The following PDZD2 variants were observed in gnomAD, a reference collection of about 807,000 sequenced individuals.
PDZD2 encodes the protein PDZ domain containing 2.
A neutral mutation model predicts 220.7 loss-of-function variants in PDZD2; 90 were observed. That is an observed-to-expected ratio of 0.41 (90% CI 0.34 to 0.49). The LOEUF is 0.49. Ranked by LOEUF, PDZD2 falls within the 20% of genes least tolerant of loss-of-function variation. The pLI is 0.28. For synonymous variants in PDZD2, 1,375 were observed against 1,450.5 expected (o/e 0.95, Z 1.18); for missense variants, 3,174 against 3,608.5 (o/e 0.88, Z 3.08).
intron 10 of PDZD2, among the ~76,000 whole-genome samples, chr5:32,054,585 A>C (rs1738921218): frequency 1.3e-5 from 2 of 152,062 alleles, no homozygotes; most frequent in South Asian, 4.2e-4. Flanking sequence ...TCAACCTCAC[A>C]AAGTGCTAGG....
At chr5:31,913,759 G>A (rs952269561) in intron 2 of PDZD2, among the ~76,000 whole-genome samples, 3 of 152,164 alleles carry the variant, frequency 2.0e-5, no homozygotes, top group Non-Finnish European at 4.4e-5. Context: ...TATGGCCGGG[G>A]TTTAGAGCTT....
At chr5:31,785,902 A>G (rs2150214440) in intron 1 of PDZD2, among the ~76,000 whole-genome samples, 1 of 152,100 alleles carries the variant, frequency 6.6e-6, no homozygotes, top group Middle Eastern at 3.4e-3. Context: ...CAGTCGCTCC[A>G]CATCACTTCT....
intron 2 of PDZD2, among the ~76,000 whole-genome samples, chr5:31,828,238 CTA>C (rs767884085): frequency 6.6e-6 from 1 of 152,242 alleles, no homozygotes; most frequent in African/African-American, 2.4e-5. Context: ...TATAGTAACT[CTA>C]TGTGTAACTT....
At chr5:31,793,829 T>C (rs1753855882) in intron 1 of PDZD2, among the ~76,000 whole-genome samples, 1 of 152,046 alleles carries the variant, frequency 6.6e-6, no homozygotes, top group Non-Finnish European at 1.5e-5. Context: ...AAGCTTTATA[T>C]TGAAAGTTGA....
At position 32,108,822 on chromosome 5, in the gene PDZD2, T is replaced by A. The variant is rs187966096; in HGVS notation, c.*687T>A. The A allele has an allele frequency of 3.9e-5, 6 of 152,804 alleles. No homozygotes were observed. The highest frequency in any genetic ancestry group is 3.3e-4 in the Admixed American group (5 of 15,312). 9.5% of individuals were successfully genotyped at this position (152,804 alleles called of 1,614,324 possible). A position where few individuals can be genotyped will look rare whatever the true frequency, so the allele number is the denominator to read the frequency against. On this transcript the variant is annotated 3_prime_UTR_variant, in exon 25 of 25. Coordinates refer to ENST00000438447, the MANE Select transcript of PDZD2 (RefSeq NM_178140.4). ...CAACTCAATAGGTTATTGATCACCA[T>A]GAAGTATTGATCATTTTCTATCTCA...
intron 5 of PDZD2, among the ~76,000 whole-genome samples, chr5:32,005,315 C>T (rs1459510451): frequency 1.3e-5 from 2 of 152,106 alleles, no homozygotes; most frequent in Non-Finnish European, 2.9e-5. Context: ...GGAGAGGATG[C>T]CTTATGTTTC....
intron 1 of PDZD2, among the ~76,000 whole-genome samples, chr5:31,695,765 TG>T (rs1031448062): frequency 7.9e-5 from 12 of 152,168 alleles, no homozygotes; most frequent in African/African-American, 2.7e-4. Flanking sequence ...TGGGTCTCCT[TG>T]GTCAGCCTTT....
At chr5:31,642,838 G>C (rs910828534) in intron 1 of PDZD2, among the ~76,000 whole-genome samples, 15 of 152,296 alleles carry the variant, frequency 9.8e-5, no homozygotes, top group African/African-American at 3.4e-4. Context: ...GGGTCACTTC[G>C]TGAAGCTGGG....
At chr5:32,039,110 C>G (rs1159576969) in intron 7 of PDZD2, among the ~76,000 whole-genome samples, 5 of 151,682 alleles carry the variant, frequency 3.3e-5, no homozygotes, top group South Asian at 4.2e-4. Flanking sequence ...CCCTCTCCCC[C>G]TCTCCCTCTC....
chr5:31,956,321 T>C (rs1408449353), intron 2 of PDZD2, among the ~76,000 whole-genome samples: 3 of 141,694 alleles, frequency 2.1e-5, no homozygotes, highest in Non-Finnish European at 4.5e-5. Flanking sequence ...ACAGAAAAGA[T>C]CAATGAAACT....
At chr5:32,057,280 A>C (rs973993186) in intron 10 of PDZD2, among the ~76,000 whole-genome samples, 1 of 152,210 alleles carries the variant, frequency 6.6e-6, no homozygotes, top group Non-Finnish European at 1.5e-5. Context: ...GTATGTGTTC[A>C]TGCCTCATTG....
intron 5 of PDZD2, among the ~76,000 whole-genome samples, chr5:32,005,070 GA>G (rs1020770655): frequency 1.3e-4 from 20 of 152,300 alleles, no homozygotes; most frequent in Non-Finnish European, 1.5e-5. Context: ...CCACATAGGA[GA>G]AAAAAGATAG....
At chr5:31,715,345 T>C (rs1442626597) in intron 1 of PDZD2, among the ~76,000 whole-genome samples, 1 of 152,190 alleles carries the variant, frequency 6.6e-6, no homozygotes, top group African/African-American at 2.4e-5. Flanking sequence ...CATAGGTTTT[T>C]GGATGCCCCA....
chr5:31,885,238 T>TG (rs1277816525), intron 2 of PDZD2, among the ~76,000 whole-genome samples: 1 of 151,626 alleles, frequency 6.6e-6, no homozygotes, highest in Non-Finnish European at 1.5e-5. Flanking sequence ...CAGTGGGATT[T>TG]TTTTTTTTAA....
At chr5:32,043,917 G>C (rs529207892) in intron 7 of PDZD2, among the ~76,000 whole-genome samples, 1 of 151,988 alleles carries the variant, frequency 6.6e-6, no homozygotes, top group African/African-American at 2.4e-5. Flanking sequence ...GTGAGCCACC[G>C]TGCACGACCT....
At chr5:31,972,836 C>T (rs1749429150) in intron 2 of PDZD2, among the ~76,000 whole-genome samples, 1 of 152,148 alleles carries the variant, frequency 6.6e-6, no homozygotes, top group Non-Finnish European at 1.5e-5. Flanking sequence ...CAAACCTCAT[C>T]AAGATAAGTT....
intron 1 of PDZD2, among the ~76,000 whole-genome samples, chr5:31,673,876 CAGG>C: frequency 6.6e-6 from 1 of 152,266 alleles, no homozygotes; most frequent in East Asian, 1.9e-4. Flanking sequence ...GAGGCTGAGG[CAGG>C]AGAATCACTT....
intron 2 of PDZD2, among the ~76,000 whole-genome samples, chr5:31,873,277 T>A (rs1009361524): frequency 2.2e-4 from 34 of 151,844 alleles, no homozygotes; most frequent in African/African-American, 7.5e-4. Context: ...CTACAAAAAA[T>A]TTAAAAATTA....
At chr5:32,091,385 A>G (rs7713118) in intron 20 of PDZD2, among the ~76,000 whole-genome samples, 13 of 150,666 alleles carry the variant, frequency 8.6e-5, no homozygotes, top group African/African-American at 2.9e-4. Context: ...CCCGGGTTCA[A>G]GCGATTCTCC....
Sources: gnomAD v4.1 joint callset for allele counts (sites outside exome capture counted in the v4.1 genomes callset) on GRCh38, gnomAD v4.1.1 for gene constraint, MANE v1.5 for transcripts, NCBI Gene and HGNC (gene_info 2026-07-23, HGNC 2026-07-21) for gene names.